The following CSMD1 variants were observed in gnomAD, a reference collection of about 807,000 sequenced individuals.
The protein encoded by CSMD1 is CUB and Sushi multiple domains 1.
CSMD1 carries 213 observed loss-of-function variants against 417.5 expected under a neutral mutation model. The observed-to-expected ratio is 0.51, with a 90% CI of 0.46 to 0.57. The LOEUF is 0.57. CSMD1 is among the 20% of genes least tolerant of loss of function. CSMD1 has a pLI of 0.00. For missense variants in CSMD1, 6,923 were observed against 4,529.7 expected, an observed-to-expected ratio of 1.53 and a Z score of -15.17; for synonymous variants, 2,862 against 1,736.8, an observed-to-expected ratio of 1.65 and a Z score of -16.11.
chr8:4,589,644 G>C lies in CSMD1; in HGVS notation c.302+47698C>G, dbSNP rs745963291. Among the ~76,000 whole-genome samples the C allele has an allele frequency of 1.3e-4, 20 of 152,302 alleles. No individual in the cohort carries two copies. In the South Asian group the frequency reaches 1.5e-3, roughly 11 times the overall value. On this transcript the variant is annotated intron_variant, in intron 2 of 69. Transcript: ENST00000635120. ...TTCATTCTACAATACTATTAGGCAA[G>C]TGTGTTTGCACTGTGAAGACCAAGC... is the stretch of plus-strand genomic sequence containing the variant.
chr8:4,669,144 C>G (rs1805131944), intron 1 of CSMD1, among the ~76,000 whole-genome samples: 1 of 152,140 alleles, frequency 6.6e-6, no homozygotes, highest in Non-Finnish European at 1.5e-5. Context: ...CTCCCTATTT[C>G]CTTCTTCGCT....
intron 5 of CSMD1, among the ~76,000 whole-genome samples, chr8:3,882,830 A>C: frequency 6.6e-6 from 1 of 152,198 alleles, no homozygotes; most frequent in East Asian, 1.9e-4. Context: ...TAGGCAAATT[A>C]GTCAATGCTG....
intron 2 of CSMD1, among the ~76,000 whole-genome samples, chr8:4,610,467 G>T (rs1276548821): frequency 4.6e-5 from 7 of 152,060 alleles, no homozygotes. Context: ...TCAGGGACAG[G>T]CTCCAGAACC....
chr8:4,024,059 G>C (rs73183907), intron 4 of CSMD1, among the ~76,000 whole-genome samples: 11,580 of 152,106 alleles, frequency 0.076, 513 homozygotes, highest in Middle Eastern at 0.11. Context: ...CAAAACAGGA[G>C]AGAAAATATA....
intron 57 of CSMD1, among the ~76,000 whole-genome samples, chr8:2,967,546 T>C (rs1804075601): frequency 6.6e-6 from 1 of 152,148 alleles, no homozygotes; most frequent in Non-Finnish European, 1.5e-5. Context: ...TTTTTTCCCT[T>C]TTTTAGTCGA....
Position 2,935,423 on chromosome 8 carries a change from A to G in CSMD1, c.*3162T>C, listed in dbSNP as rs1405787677. ...AAAGATTGGTGGCATTGCACAGGCT[A>G]TATTACACCCTCTTTATAATTTTTT... is the stretch of plus-strand genomic sequence containing the variant. On this transcript the variant is annotated 3_prime_UTR_variant, in exon 70 of 70. Coordinates refer to ENST00000635120, the MANE Select transcript of CSMD1 (RefSeq NM_033225.6). 2 of 152,158 alleles carry G rather than the reference A, an allele frequency of 1.3e-5. No homozygotes were observed. The highest frequency in any genetic ancestry group is 1.9e-4 in the East Asian group (1 of 5,200). The allele number at this position is 152,158 out of a possible 1,614,324, so 9.4% of individuals were successfully genotyped here. A position where few individuals can be genotyped will look rare whatever the true frequency, so the allele number is the denominator to read the frequency against.
At chr8:4,508,720 G>A (rs1238082038) in intron 2 of CSMD1, among the ~76,000 whole-genome samples, 1 of 152,056 alleles carries the variant, frequency 6.6e-6, no homozygotes, top group Non-Finnish European at 1.5e-5. Flanking sequence ...CTGCTTCAAA[G>A]GGGAATCAGA....
chr8:3,605,408 T>C (rs1801565109), intron 8 of CSMD1, among the ~76,000 whole-genome samples: 1 of 152,158 alleles, frequency 6.6e-6, no homozygotes, highest in Non-Finnish European at 1.5e-5. Flanking sequence ...CTCGCTGGAG[T>C]TGACCTACAA....
At chr8:3,767,628 T>C (rs1216104020) in intron 5 of CSMD1, among the ~76,000 whole-genome samples, 1 of 152,230 alleles carries the variant, frequency 6.6e-6, no homozygotes, top group African/African-American at 2.4e-5. Flanking sequence ...CACTTGCATA[T>C]ATATTCACGC....
chr8:3,494,925 T>G (rs980526764), intron 10 of CSMD1, among the ~76,000 whole-genome samples: 3 of 152,192 alleles, frequency 2.0e-5, no homozygotes, highest in African/African-American at 7.2e-5. Context: ...GACTTCCCAC[T>G]AATACCCAAG....
At chr8:4,669,151 C>T (rs1490499561) in intron 1 of CSMD1, among the ~76,000 whole-genome samples, 4 of 152,186 alleles carry the variant, frequency 2.6e-5, no homozygotes, top group African/African-American at 4.8e-5. Flanking sequence ...TTTCCTTCTT[C>T]GCTTCCTTTA....
intron 26 of CSMD1, among the ~76,000 whole-genome samples, chr8:3,236,298 T>C (rs1367639659): frequency 6.6e-6 from 1 of 152,132 alleles, no homozygotes; most frequent in Non-Finnish European, 1.5e-5. Context: ...TCAAAGGTTA[T>C]TTAAAATTGC....
chr8:3,189,028 T>G lies in CSMD1; in HGVS notation c.5399-17A>C, dbSNP rs750125074. ...TGCAGGGTACTAAAAGACACAACCA[T>G]ATGTCATGAAATAAAGTGCTGTGGG... On this transcript the variant is annotated splice_polypyrimidine_tract_variant and intron_variant, in intron 34 of 69. Transcript: ENST00000635120. 11 of 1,604,586 alleles carry G rather than the reference T, an allele frequency of 6.9e-6. No individual in the cohort carries two copies. Among genetic ancestry groups the G allele is most frequent in the Non-Finnish European group, 9.4e-6 (11 of 1,174,626 alleles).
At position 3,005,576 on chromosome 8, in the gene CSMD1, G is replaced by A. The variant is rs1433378643; in HGVS notation, c.8030-5445C>T. The stretch of plus-strand genomic sequence containing the variant: ...ACACATCAAAAAGCTTATCCACCAT[G>A]ATCAAGTGGGCTTCATCCCTGGGAT... On this transcript the variant is annotated intron_variant, in intron 52 of 69. Transcript: ENST00000635120. Among the ~76,000 whole-genome samples the A allele has an allele frequency of 2.0e-5, 3 of 152,168 alleles. No homozygotes were observed. The East Asian group carries it at 5.8e-4, about 29-fold the overall frequency.
At chr8:4,663,952 T>G (rs1371717534) in intron 1 of CSMD1, among the ~76,000 whole-genome samples, 1 of 152,194 alleles carries the variant, frequency 6.6e-6, no homozygotes, top group East Asian at 1.9e-4. Context: ...ATTGGAAAGC[T>G]AATCCAGATA....
intron 12 of CSMD1, among the ~76,000 whole-genome samples, chr8:3,411,882 ACACGTATATATG>A (rs1201015332): frequency 4.3e-5 from 2 of 46,348 alleles, no homozygotes; most frequent in African/African-American, 1.7e-4. Flanking sequence ...ACGTATATAT[ACACGTATATATG>A]CACGTATATA....
intron 25 of CSMD1, among the ~76,000 whole-genome samples, chr8:3,289,218 G>C (rs553964158): frequency 2.7e-5 from 4 of 147,308 alleles, no homozygotes; most frequent in Non-Finnish European, 5.9e-5. Flanking sequence ...TCTTAATCCA[G>C]TCTATCGTTG....
At chr8:3,912,159 T>C (rs1456113932) in intron 5 of CSMD1, among the ~76,000 whole-genome samples, 1 of 152,238 alleles carries the variant, frequency 6.6e-6, no homozygotes, top group Non-Finnish European at 1.5e-5. Flanking sequence ...TAATGGGAAC[T>C]TCACATTTCT....
intron 1 of CSMD1, among the ~76,000 whole-genome samples, chr8:4,703,564 T>A (rs1194988972): frequency 6.6e-6 from 1 of 152,192 alleles, no homozygotes; most frequent in East Asian, 1.9e-4. Context: ...ATATACAGTA[T>A]AATTATGAAA....
Sources: allele counts gnomAD v4.1 joint callset (sites outside exome capture counted in the v4.1 genomes callset), GRCh38; gene constraint gnomAD v4.1.1; transcripts MANE v1.5; gene names NCBI Gene and HGNC (gene_info 2026-07-23, HGNC 2026-07-21).